Variants in BCL2L14 observed in about 807,000 individuals in gnomAD.
BCL2L14 encodes apoptosis facilitator Bcl-2-like protein 14.
Under a neutral mutation model 35.3 loss-of-function variants are expected in BCL2L14, and 27 were observed. The observed-to-expected ratio is 0.76, with a 90% CI of 0.56 to 1.05. The LOEUF (loss-of-function observed/expected upper bound fraction) is 1.05. BCL2L14 is among the 50% of genes least tolerant of loss of function. BCL2L14 has a pLI of 0.00. For missense variants in BCL2L14, 377 were observed against 382.6 expected (o/e 0.99, Z 0.12); for synonymous variants, 139 against 145.9 (o/e 0.95, Z 0.34).
At chr12:12,053,606 G>T (rs995480300) in intron 2 of BCL2L14, among the ~76,000 whole-genome samples, 4 of 152,148 alleles carry the variant, frequency 2.6e-5, no homozygotes, top group Admixed American at 2.0e-4. Flanking sequence ...TTTTAGTAGA[G>T]ATGGGGTTTC....
intron 2 of BCL2L14, among the ~76,000 whole-genome samples, chr12:12,063,066 A>G (rs944900399): frequency 6.6e-6 from 1 of 152,166 alleles, no homozygotes. Context: ...ATTAGGCCCC[A>G]GTCTCATTCC....
chr12:12,051,321 G>A (rs1012609498), intron 1 of BCL2L14, among the ~76,000 whole-genome samples: 10 of 152,146 alleles, frequency 6.6e-5, no homozygotes, highest in Admixed American at 2.0e-4. Context: ...TACCCCATGC[G>A]TCTGCTGTAG....
chr12:12,062,614 T>C (rs930822921), intron 2 of BCL2L14, among the ~76,000 whole-genome samples: 2 of 152,038 alleles, frequency 1.3e-5, no homozygotes, highest in Non-Finnish European at 1.5e-5. Context: ...AAATTAACTT[T>C]ACTCAACATG....
chr12:12,067,009 G>A (rs1424097361), upstream of BCL2L14, among the ~76,000 whole-genome samples: 1 of 151,966 alleles, frequency 6.6e-6, no homozygotes, highest in Non-Finnish European at 1.5e-5. Context: ...CGCACCTGGT[G>A]ACAAACAAAA....
At chr12:12,096,155 T>C in intron 5 of BCL2L14, 3 of 984,332 alleles carry the variant, frequency 3.0e-6, no homozygotes, top group East Asian at 1.1e-4. Flanking sequence ...CATAATAATA[T>C]ACAAAAGATG....
At chr12:12,089,288 C>T (rs1391828103) in intron 3 of BCL2L14, among the ~76,000 whole-genome samples, 1 of 149,460 alleles carries the variant, frequency 6.7e-6, no homozygotes, top group African/African-American at 2.5e-5. Context: ...AGAATCGCTT[C>T]AACTGGGGAG....
intron 2 of BCL2L14, among the ~76,000 whole-genome samples, chr12:12,081,893 TGA>T (rs1272994891): frequency 6.6e-6 from 1 of 152,170 alleles, no homozygotes; most frequent in Non-Finnish European, 1.5e-5. Context: ...CCCCTCCTGC[TGA>T]GTTTCATTGG....
intron 5 of BCL2L14, chr12:12,096,165 G>T (rs1054698486): frequency 3.5e-5 from 34 of 982,116 alleles, no homozygotes; most frequent in Admixed American, 6.2e-5. Flanking sequence ...TACAAAAGAT[G>T]ATCAAATTCC....
At chr12:12,069,726 GT>G (rs1217628552), upstream of BCL2L14, among the ~76,000 whole-genome samples, 1 of 146,130 alleles carries the variant, frequency 6.8e-6, no homozygotes, top group African/African-American at 2.5e-5. Flanking sequence ...AAAAAAAAAG[GT>G]GGCAAGTTTT....
Position 12,087,139 on chromosome 12 carries a change from A to G in BCL2L14, c.434-74A>G, listed in dbSNP as rs543907995. 21 of 1,505,428 alleles carry G rather than the reference A, an allele frequency of 1.4e-5. 1 individual carries two copies. The South Asian group carries it at 2.4e-4, about 18-fold the overall frequency. 93.3% of individuals were successfully genotyped at this position (1,505,428 alleles called of 1,614,324 possible). A position where few individuals can be genotyped will look rare whatever the true frequency, so the allele number is the denominator to read the frequency against. On this transcript the variant is annotated intron_variant, in intron 2 of 5. Transcript: ENST00000308721. ...TATTCTGGCCTGGTCTTTTCATTCC[A>G]GGCAACTTTGCATACCAATGAGCCA...
rs1394674003 is a variant in BCL2L14 at position 12,079,717 on chromosome 12, G to C, written c.412G>C (p.Glu138Gln). The change falls in exon 2 of 6, where the codon GAG becomes CAG. Residue 138 changes from glutamate (E) to glutamine (Q), a missense_variant. Physicochemically the swap from Glu to Gln is conservative, Grantham distance 29. Transcript: ENST00000308721. The part of the protein sequence containing the change: ...QQWSRCLSNV[E>Q]QCLEHEAVDP... ...GTGGTCCAGGTGTCTTTCTAACGTGGAGCAGTGCTTGGAGCATGAAGGTAG... is the reference window on the plus strand; with the variant it reads ...GTGGTCCAGGTGTCTTTCTAACGTGCAGCAGTGCTTGGAGCATGAAGGTAG... 6.2e-7 allele frequency: 1 copy of C among 1,613,980 alleles called. No homozygotes were observed. Among genetic ancestry groups the C allele is most frequent in the East Asian group, 2.2e-5 (1 of 44,888 alleles).
intron 2 of BCL2L14, among the ~76,000 whole-genome samples, chr12:12,062,439 C>A (rs1245170492): frequency 2.5e-4 from 38 of 150,366 alleles, no homozygotes; most frequent in Non-Finnish European, 4.1e-4. Flanking sequence ...AAGCCACTAG[C>A]CCGCCTCTTA....
intron 1 of BCL2L14, chr12:12,072,623 G>C (rs187806084): frequency 1.1e-4 from 16 of 152,344 alleles, no homozygotes; most frequent in African/African-American, 3.6e-4. Context: ...TTCTGAACCA[G>C]CATTCAGAGG....
chr12:12,075,433 C>CTTTCT (rs1412649013), intron 1 of BCL2L14, among the ~76,000 whole-genome samples: 12 of 105,444 alleles, frequency 1.1e-4, no homozygotes, highest in East Asian at 2.2e-4. Context: ...TTCTTTCTTT[C>CTTTCT]TTTTTTTTTT....
intron 1 of BCL2L14, among the ~76,000 whole-genome samples, chr12:12,078,596 A>G (rs1948835118): frequency 6.6e-6 from 1 of 152,146 alleles, no homozygotes; most frequent in African/African-American, 2.4e-5. Flanking sequence ...ACCACTCTTC[A>G]AACACATTCT....
At chr12:12,076,964 C>T (rs1338701069) in intron 1 of BCL2L14, among the ~76,000 whole-genome samples, 2 of 152,120 alleles carry the variant, frequency 1.3e-5, no homozygotes, top group Non-Finnish European at 2.9e-5. Context: ...AAGGATGTTG[C>T]AGGTTAGAAG....
At chr12:12,098,201 T>C (rs1430589363) in intron 5 of BCL2L14, among the ~76,000 whole-genome samples, 1 of 152,134 alleles carries the variant, frequency 6.6e-6, no homozygotes, top group African/African-American at 2.4e-5. Flanking sequence ...GGGACTTCCA[T>C]TGGCACCAAG....
intron 5 of BCL2L14, chr12:12,095,816 G>A: frequency 2.0e-6 from 2 of 985,356 alleles, no homozygotes; most frequent in Non-Finnish European, 2.4e-6. Flanking sequence ...GGTCTGAAGT[G>A]CCCGCCATGG....
chr12:12,094,398 T>C (rs1276454851), intron 4 of BCL2L14: 10 of 962,320 alleles, frequency 1.0e-5, no homozygotes, highest in South Asian at 8.5e-5. Context: ...CCATTATAAG[T>C]GCTCAGGAAA....
Sources: allele counts gnomAD v4.1 joint callset (sites outside exome capture counted in the v4.1 genomes callset), GRCh38; gene constraint gnomAD v4.1.1; transcripts MANE v1.5; gene names NCBI Gene and HGNC (gene_info 2026-07-23, HGNC 2026-07-21).